Variants in PDE11A observed in about 807,000 individuals in gnomAD.
The protein encoded by PDE11A is dual 3',5'-cyclic-AMP and -GMP phosphodiesterase 11A.
In PDE11A, 100 loss-of-function variants were observed where a neutral mutation model predicts 100.5. The observed-to-expected ratio is 1.00, with a 90% confidence interval of 0.85 to 1.18. The LOEUF is 1.18. Ranked by LOEUF, PDE11A falls within the 50% of genes most tolerant of loss-of-function variation. PDE11A has a pLI of 0.00. For synonymous variants in PDE11A, 381 were observed against 420.8 expected, an observed-to-expected ratio of 0.91 and a Z score of 1.16; for missense variants, 1,141 against 1,152.6, an observed-to-expected ratio of 0.99 and a Z score of 0.15.
intron 9 of PDE11A, among the ~76,000 whole-genome samples, chr2:177,789,273 A>G (rs1240716245): frequency 6.6e-6 from 1 of 152,062 alleles, no homozygotes; most frequent in East Asian, 1.9e-4. Flanking sequence ...TATAAACAGA[A>G]CCAAAGACAA....
intron 1 of PDE11A, among the ~76,000 whole-genome samples, chr2:178,043,223 G>A (rs541868154): frequency 6.6e-6 from 1 of 152,222 alleles, no homozygotes; most frequent in African/African-American, 2.4e-5. Flanking sequence ...CTAACAGACA[G>A]TATCTGTCAT....
In PDE11A at chr2:177,685,527, C is replaced by A. The variant is rs546032417; in HGVS notation, c.2346-4624G>T. 2.6e-5 allele frequency among the ~76,000 whole-genome samples: 4 copies of A among 152,170 alleles called. No individual in the cohort carries two copies. The South Asian group carries it at 8.3e-4, about 32-fold the overall frequency. ...TGTTCCCTGTGTGACTAACTCATTGCAGAAAACAAATCCTTTTTTTCTCTT... is the reference window on the plus strand; with the variant it reads ...TGTTCCCTGTGTGACTAACTCATTGAAGAAAACAAATCCTTTTTTTCTCTT... On this transcript the variant is annotated intron_variant, in intron 15 of 19. Transcript: ENST00000286063.
chr2:177,798,139 G>T (rs115291144), intron 9 of PDE11A, among the ~76,000 whole-genome samples: 1 of 152,102 alleles, frequency 6.6e-6, no homozygotes. Context: ...TCTCCATGGA[G>T]CATTCCTGCT....
At chr2:177,970,193 G>A (rs917421194) in intron 2 of PDE11A, among the ~76,000 whole-genome samples, 2 of 152,140 alleles carry the variant, frequency 1.3e-5, no homozygotes, top group African/African-American at 2.4e-5. Context: ...CCATTCAAAT[G>A]CCATGCTAAA....
chr2:178,035,706 T>C (rs748574625), intron 1 of PDE11A, among the ~76,000 whole-genome samples: 2 of 152,220 alleles, frequency 1.3e-5, no homozygotes, highest in African/African-American at 2.4e-5. Flanking sequence ...TTTTGTGGGA[T>C]GCAAGGCTGG....
chr2:178,009,858 A>G (rs1240145288), intron 2 of PDE11A, among the ~76,000 whole-genome samples: 2 of 152,244 alleles, frequency 1.3e-5, no homozygotes, highest in Non-Finnish European at 2.9e-5. Context: ...GAAATTATAC[A>G]GAACATAACT....
intron 10 of PDE11A, among the ~76,000 whole-genome samples, chr2:177,739,035 A>C (rs936701888): frequency 1.3e-5 from 2 of 152,224 alleles, no homozygotes; most frequent in African/African-American, 4.8e-5. Context: ...ACAATAAGTC[A>C]AAGGAACAAG....
At chr2:177,805,567 A>G (rs556865618) in intron 9 of PDE11A, among the ~76,000 whole-genome samples, 22 of 152,294 alleles carry the variant, frequency 1.4e-4, no homozygotes, top group Admixed American at 3.9e-4. Context: ...TTAAATCTAT[A>G]AAAGAAACAC....
At chr2:177,787,504 C>A (rs1016163430) in intron 9 of PDE11A, among the ~76,000 whole-genome samples, 1 of 151,604 alleles carries the variant, frequency 6.6e-6, no homozygotes, top group African/African-American at 2.4e-5. Flanking sequence ...AACCAGCTAA[C>A]ATCATAATGA....
At chr2:177,902,485 C>CTT (rs2084712694) in intron 3 of PDE11A, among the ~76,000 whole-genome samples, 4 of 152,184 alleles carry the variant, frequency 2.6e-5, no homozygotes, top group Admixed American at 2.6e-4. Flanking sequence ...AAGTATTTTA[C>CTT]ACAGTTGAAT....
intron 9 of PDE11A, among the ~76,000 whole-genome samples, chr2:177,801,968 G>C (rs2082801352): frequency 6.7e-6 from 1 of 149,842 alleles, no homozygotes; most frequent in African/African-American, 2.4e-5. Context: ...ACATATATCT[G>C]ACCAGGGACT....
At chr2:177,632,225 G>C (rs986807519) in intron 19 of PDE11A, among the ~76,000 whole-genome samples, 5 of 152,180 alleles carry the variant, frequency 3.3e-5, no homozygotes, top group Admixed American at 6.5e-5. Flanking sequence ...AAATTGTATG[G>C]CTTCAACCTT....
intron 14 of PDE11A, among the ~76,000 whole-genome samples, chr2:177,700,674 T>C (rs1202286930): frequency 6.6e-6 from 1 of 152,244 alleles, no homozygotes; most frequent in East Asian, 1.9e-4. Context: ...TTAAGTTGTA[T>C]AGTTTCTCAA....
intron 19 of PDE11A, among the ~76,000 whole-genome samples, chr2:177,642,794 C>T (rs2080162432): frequency 6.6e-6 from 1 of 152,178 alleles, no homozygotes; most frequent in South Asian, 2.1e-4. Context: ...TAACCTCCGC[C>T]TAGGTTTTAG....
chr2:177,679,327 T>G (rs2080826164), intron 16 of PDE11A, among the ~76,000 whole-genome samples: 1 of 152,158 alleles, frequency 6.6e-6, no homozygotes, highest in Non-Finnish European at 1.5e-5. Flanking sequence ...TTCCAAAGCA[T>G]GTAGTTGAGT....
At chr2:177,921,312 T>TTTCATTGTACC (rs1348291621) in intron 2 of PDE11A, among the ~76,000 whole-genome samples, 1 of 151,798 alleles carries the variant, frequency 6.6e-6, no homozygotes, top group East Asian at 1.9e-4. Flanking sequence ...TTCATTAGCA[T>TTTCATTGTACC]ATTGATACAA....
At chr2:177,634,753 A>G (rs2080012864) in intron 19 of PDE11A, among the ~76,000 whole-genome samples, 3 of 152,206 alleles carry the variant, frequency 2.0e-5, no homozygotes, top group Non-Finnish European at 4.4e-5. Context: ...GGAACTATTA[A>G]AATACTAGTA....
At chr2:177,714,151 G>A (rs932001381) in intron 12 of PDE11A, among the ~76,000 whole-genome samples, 5 of 151,548 alleles carry the variant, frequency 3.3e-5, no homozygotes, top group Admixed American at 6.6e-5. Flanking sequence ...CCGCCACCAC[G>A]CCCAGCTAAT....
chr2:177,828,156 T>G (rs2083256569), intron 6 of PDE11A, among the ~76,000 whole-genome samples: 1 of 152,132 alleles, frequency 6.6e-6, no homozygotes, highest in Non-Finnish European at 1.5e-5. Context: ...CATGAAAAAT[T>G]TAAAGCACAA....
Sources: allele counts gnomAD v4.1 joint callset (sites outside exome capture counted in the v4.1 genomes callset), GRCh38; gene constraint gnomAD v4.1.1; transcripts MANE v1.5; gene names NCBI Gene and HGNC (gene_info 2026-07-23, HGNC 2026-07-21).